The following SENP6 variants were observed in gnomAD, a reference collection of about 807,000 sequenced individuals.
The protein encoded by SENP6 is sentrin-specific protease 6.
Under a neutral mutation model 134.5 loss-of-function variants are expected in SENP6, and 41 were observed. The observed-to-expected ratio is 0.30, with a 90% CI of 0.24 to 0.40. The LOEUF (loss-of-function observed/expected upper bound fraction) is 0.40, where lower values mean the gene tolerates loss of function less well. SENP6 is among the 10% of genes least tolerant of loss of function. SENP6 has a pLI of 1.00. For synonymous variants in SENP6, 395 were observed against 429.8 expected (o/e 0.92, Z 1.00); for missense variants, 1,248 against 1,312.5 (o/e 0.95, Z 0.76).
intron 21 of SENP6, among the ~76,000 whole-genome samples, chr6:75,712,521 T>TAA (rs796632478): frequency 6.9e-6 from 1 of 145,436 alleles, no homozygotes; most frequent in Non-Finnish European, 1.5e-5. Flanking sequence ...TGGAAAAAGT[T>TAA]AAAAAAAAAA....
intron 5 of SENP6, among the ~76,000 whole-genome samples, chr6:75,636,990 T>TAG (rs1449561640): frequency 6.6e-6 from 1 of 151,880 alleles, no homozygotes; most frequent in Non-Finnish European, 1.5e-5. Context: ...AAGCAATCCT[T>TAG]CCACTTCAGC....
chr6:75,602,035 G>C lies in SENP6; in HGVS notation c.-490G>C, dbSNP rs1047502373. Reference sequence around the variant, plus strand: ...CGTAGCGGCGGCGGCTGCAGAACGAGCTAGGGGCCTGGGGGCGCCTGACGG... The same window carrying C: ...CGTAGCGGCGGCGGCTGCAGAACGACCTAGGGGCCTGGGGGCGCCTGACGG... On this transcript the variant is annotated 5_prime_UTR_variant, in exon 1 of 24. Coordinates refer to ENST00000447266, the MANE Select transcript of SENP6 (RefSeq NM_015571.4). 1 of 156,824 alleles carries C rather than the reference G, an allele frequency of 6.4e-6. No individual in the cohort carries two copies. Among genetic ancestry groups the C allele is most frequent in the Middle Eastern group, 3.3e-3 (1 of 302 alleles). 9.7% of individuals were successfully genotyped at this position (156,824 alleles called of 1,614,324 possible). A position where few individuals can be genotyped will look rare whatever the true frequency, so the allele number is the denominator to read the frequency against.
intron 3 of SENP6, among the ~76,000 whole-genome samples, chr6:75,631,378 A>C (rs764411213): frequency 9.9e-5 from 15 of 152,196 alleles, no homozygotes; most frequent in Non-Finnish European, 1.8e-4. Context: ...CAGTGTTCTA[A>C]GTGTTGGAGC....
At position 75,676,168 on chromosome 6, in the gene SENP6, A is replaced by G. The variant is rs115098404; in HGVS notation, c.1621+114A>G. The G allele has an allele frequency of 4.2e-3, 2,339 of 558,934 alleles. 53 individuals are homozygous for G. The highest frequency in any genetic ancestry group is 0.04 in the African/African-American group (2,078 of 51,620). 34.6% of individuals were successfully genotyped at this position (558,934 alleles called of 1,614,324 possible). ...CAGATGCCTTAGGTGTATATTATCT[A>G]CAATTGTCACAGCCACCTTGTGAAA... On this transcript the variant is annotated intron_variant, in intron 13 of 23. Coordinates refer to ENST00000447266, the MANE Select transcript of SENP6 (RefSeq NM_015571.4).
At chr6:75,633,424 T>A (rs1769263768) in intron 3 of SENP6, among the ~76,000 whole-genome samples, 157 bp from the exon 4 acceptor site, 1 of 152,166 alleles carries the variant, frequency 6.6e-6, no homozygotes, top group South Asian at 2.1e-4. Context: ...AAAAAAAAAG[T>A]AGGCAGTTGA....
chr6:75,608,212 A>G (rs1215628657), intron 1 of SENP6, among the ~76,000 whole-genome samples: 1 of 152,092 alleles, frequency 6.6e-6, no homozygotes, highest in Admixed American at 6.6e-5. Flanking sequence ...TCCTGAGATA[A>G]CACTTCGGGA....
Position 75,702,795 on chromosome 6 carries a change from T to A in SENP6, c.2439T>A (p.Ser813Arg). The A allele has an allele frequency of 6.2e-7, 1 of 1,613,986 alleles. No homozygotes were observed. Among genetic ancestry groups the A allele is most frequent in the Non-Finnish European group, 8.5e-7 (1 of 1,179,980 alleles). ...CTTCTTCAGCCAGTGAAATGGAGAG[T>A]TGTTCACAAAACTCTTCTGCCAAGC... ...CISSSASEME[S>R]CSQNSSAKPV... The change falls in exon 19 of 24, where the codon AGT (serine) becomes AGA (arginine). Residue 813 changes from serine to arginine, a missense_variant. This residue lies in a region of SENP6 where 386 missense variants were observed against 395.0 expected (regional missense o/e 0.98). Transcript: ENST00000447266.
intron 6 of SENP6, among the ~76,000 whole-genome samples, chr6:75,645,485 C>T (rs1421597626): frequency 6.6e-6 from 1 of 152,054 alleles, no homozygotes; most frequent in African/African-American, 2.4e-5. Flanking sequence ...AGCATGGTGG[C>T]GCACACGTGT....
chr6:75,606,439 C>T (rs1011266485), intron 1 of SENP6, among the ~76,000 whole-genome samples: 9 of 152,290 alleles, frequency 5.9e-5, no homozygotes, highest in African/African-American at 2.2e-4. Flanking sequence ...ATTCAGTCAA[C>T]AGATACTTAT....
chr6:75,633,764 A>G, intron 4 of SENP6, 38 bp downstream of exon 4: 1 of 1,547,758 alleles, frequency 6.5e-7, no homozygotes, highest in Non-Finnish European at 8.7e-7. Context: ...CAGAAAAGAT[A>G]AAGGAAGAGT....
intron 1 of SENP6, among the ~76,000 whole-genome samples, chr6:75,609,111 C>T (rs1489145155): frequency 7.1e-6 from 1 of 141,068 alleles, no homozygotes; most frequent in East Asian, 1.9e-4. Flanking sequence ...GGTTGTTTGG[C>T]ACAGCTTAAG....
chr6:75,715,587 C>T lies in SENP6; in HGVS notation c.3332C>T (p.Ser1111Leu). ...ACAGAACAATATGTCAATAGTATCT[C>T]AGATTGACCATTTCTGTTACTTGTC... is the stretch of plus-strand genomic sequence containing the variant. ...EGTEQYVNSI[S>L]D The change falls in exon 24 of 24, where the codon TCA (serine) becomes TTA (leucine). Residue 1111 changes from serine (S) to leucine (L), a missense_variant. Around this residue, in one of 3 missense-constraint regions of SENP6, gnomAD observed 386 missense variants for 395.0 expected, o/e 0.98. Coordinates refer to ENST00000447266, the MANE Select transcript of SENP6 (RefSeq NM_015571.4). 6.2e-7 allele frequency: 1 copy of T among 1,601,250 alleles called. No homozygotes were observed. Among genetic ancestry groups the T allele is most frequent in the East Asian group, 2.2e-5 (1 of 44,708 alleles).
intron 7 of SENP6, chr6:75,654,870 G>GTAGA (rs1460534128): frequency 6.6e-6 from 1 of 152,236 alleles, no homozygotes; most frequent in Middle Eastern, 3.4e-3. Context: ...TATCTATGTG[G>GTAGA]TAGATAGATA....
chr6:75,712,353 T>G (rs1775797121), intron 21 of SENP6, among the ~76,000 whole-genome samples: 1 of 152,174 alleles, frequency 6.6e-6, no homozygotes, highest in African/African-American at 2.4e-5. Flanking sequence ...TTAAACAATC[T>G]GCTCCAAACT....
intron 1 of SENP6, among the ~76,000 whole-genome samples, chr6:75,621,280 T>G (rs140916809): frequency 2.3e-3 from 348 of 152,298 alleles, no homozygotes; most frequent in African/African-American, 7.8e-3. Context: ...TGCCCTCCGT[T>G]TTTATTATAG....
At chr6:75,683,536 C>G (rs957294967) in intron 16 of SENP6, among the ~76,000 whole-genome samples, 1 of 152,156 alleles carries the variant, frequency 6.6e-6, no homozygotes, top group Non-Finnish European at 1.5e-5. Flanking sequence ...TTAGGTCTAA[C>G]ATTTAAGTCT....
intron 1 of SENP6, among the ~76,000 whole-genome samples, chr6:75,610,537 G>C (rs921058219): frequency 1.3e-5 from 2 of 152,102 alleles, no homozygotes; most frequent in African/African-American, 4.8e-5. Context: ...GGTTGTTTTT[G>C]GACCCTAATT....
At position 75,602,742 on chromosome 6, in the gene SENP6, C is replaced by G. The variant is rs1371075413; in HGVS notation, c.52+166C>G. Among the ~76,000 whole-genome samples the G allele has an allele frequency of 3.9e-5, 6 of 152,180 alleles. 1 individual carries two copies. The highest frequency in any genetic ancestry group is 3.9e-4 in the Admixed American group (6 of 15,304). ...GAGTGTGCTGCGAGCGCACCTGGTTCGAGTCCGCCTAGGCGAGGGGCTCGG... is the reference window on the plus strand; with the variant it reads ...GAGTGTGCTGCGAGCGCACCTGGTTGGAGTCCGCCTAGGCGAGGGGCTCGG... On this transcript the variant is annotated intron_variant, in intron 1 of 23. Transcript: ENST00000447266.
chr6:75,626,669 C>G (rs1768721844), intron 3 of SENP6, among the ~76,000 whole-genome samples: 1 of 152,102 alleles, frequency 6.6e-6, no homozygotes, highest in African/African-American at 2.4e-5. Flanking sequence ...ATTGAAGTTG[C>G]TATTTCAGAG....
Sources: gnomAD v4.1 joint callset for allele counts (sites outside exome capture counted in the v4.1 genomes callset) on GRCh38, gnomAD v4.1.1 for gene constraint, gnomAD v4.1.1 regional missense constraint, MANE v1.5 for transcripts, NCBI Gene and HGNC (gene_info 2026-07-23, HGNC 2026-07-21) for gene names.